Variants in HS3ST4 observed in about 807,000 individuals in gnomAD.
The protein encoded by HS3ST4 is heparan sulfate glucosamine 3-O-sulfotransferase 4.
HS3ST4 carries 17 observed loss-of-function variants against 29.2 expected under a neutral mutation model. The ratio of observed to expected loss-of-function variants is 0.58; its 90% CI spans 0.40 to 0.87. HS3ST4 has a LOEUF of 0.87. Ranked by LOEUF, HS3ST4 falls within the 40% of genes least tolerant of loss-of-function variation. The pLI is 0.00. For missense variants in HS3ST4, 627 were observed against 634.5 expected (o/e 0.99, Z 0.13); for synonymous variants, 314 against 285.7 (o/e 1.10, Z -1.00).
chr16:25,989,720 T>C (rs1001537562), intron 1 of HS3ST4, among the ~76,000 whole-genome samples: 1 of 152,212 alleles, frequency 6.6e-6, no homozygotes, highest in African/African-American at 2.4e-5. Context: ...TTTTGTTTGT[T>C]TGTTTTCACA....
chr16:25,847,653 A>T (rs56277907), intron 1 of HS3ST4, among the ~76,000 whole-genome samples: 33,909 of 152,032 alleles, frequency 0.22, 4,099 homozygotes, highest in East Asian at 0.41. Flanking sequence ...TATCAGTTAA[A>T]ATAAAATCTG....
intron 1 of HS3ST4, among the ~76,000 whole-genome samples, chr16:25,733,887 A>G (rs963698425): frequency 6.6e-6 from 1 of 152,172 alleles, no homozygotes; most frequent in African/African-American, 2.4e-5. Context: ...GGGAGGCAGA[A>G]GCAGGCAGAT....
intron 1 of HS3ST4, among the ~76,000 whole-genome samples, chr16:25,697,782 C>A (rs1966308268): frequency 6.6e-6 from 1 of 152,082 alleles, no homozygotes; most frequent in Non-Finnish European, 1.5e-5. Flanking sequence ...AAGCGATTAT[C>A]CTGTCTCAGC....
rs116567985 is a variant in HS3ST4, at chr16:25,822,538, G to T, written c.734+129387G>T. Among the ~76,000 whole-genome samples, 283 of 152,264 alleles carry T rather than the reference G, an allele frequency of 1.9e-3. 1 individual carries two copies. Among genetic ancestry groups the T allele is most frequent in the African/African-American group, 6.3e-3 (261 of 41,556 alleles). ...CTTGTGATGATACAAGGACTTCCCA[G>T]TTGTGACAACCAGAAATGTGTGCAG... On this transcript the variant is annotated intron_variant, in intron 1 of 1. Transcript: ENST00000331351.
chr16:25,995,462 AG>A (rs1969151171), intron 1 of HS3ST4, among the ~76,000 whole-genome samples: 1 of 152,200 alleles, frequency 6.6e-6, no homozygotes, highest in African/African-American at 2.4e-5. Flanking sequence ...CTAGGCTTCC[AG>A]GTTAGCTAAC....
intron 1 of HS3ST4, among the ~76,000 whole-genome samples, chr16:25,855,145 T>C (rs974589093): frequency 1.3e-5 from 2 of 152,294 alleles, no homozygotes; most frequent in African/African-American, 4.8e-5. Flanking sequence ...GATGGGTGGA[T>C]TGAAAGATTT....
chr16:25,836,976 T>C (rs1436591938), intron 1 of HS3ST4, among the ~76,000 whole-genome samples: 1 of 152,234 alleles, frequency 6.6e-6, no homozygotes, highest in African/African-American at 2.4e-5. Flanking sequence ...GGCATTGTTA[T>C]GTGGTTTTGT....
intron 1 of HS3ST4, among the ~76,000 whole-genome samples, chr16:25,720,350 G>T (rs1392357629): frequency 1.3e-5 from 2 of 152,208 alleles, no homozygotes; most frequent in African/African-American, 4.8e-5. Context: ...AAGACCCCTA[G>T]TAAGATGGGA....
At chr16:26,061,451 A>T (rs1291237521) in intron 1 of HS3ST4, among the ~76,000 whole-genome samples, 1 of 151,926 alleles carries the variant, frequency 6.6e-6, no homozygotes, top group Non-Finnish European at 1.5e-5. Flanking sequence ...ACTCTCTTTG[A>T]CCTCCACCAC....
At chr16:26,125,025 G>C (rs1454374898) in intron 1 of HS3ST4, among the ~76,000 whole-genome samples, 1 of 152,214 alleles carries the variant, frequency 6.6e-6, no homozygotes, top group Non-Finnish European at 1.5e-5. Flanking sequence ...CCATCCAAAA[G>C]TGGTTTATGA....
At chr16:25,702,753 G>A (rs548828762) in intron 1 of HS3ST4, among the ~76,000 whole-genome samples, 3 of 152,148 alleles carry the variant, frequency 2.0e-5, no homozygotes. Context: ...TCACTGTTTA[G>A]ATTCATAAAC....
At chr16:26,014,085 C>T (rs1969340389) in intron 1 of HS3ST4, among the ~76,000 whole-genome samples, 1 of 151,992 alleles carries the variant, frequency 6.6e-6, no homozygotes, top group South Asian at 2.1e-4. Context: ...CCTACTCCTA[C>T]TCTCCCTTTC....
rs1898492332 is a variant in HS3ST4 at position 26,062,775 on chromosome 16, C to T, written c.735-72837C>T. On this transcript the variant is annotated intron_variant, in intron 1 of 1. Coordinates refer to ENST00000331351, the MANE Select transcript of HS3ST4 (RefSeq NM_006040.3). Reference sequence around the variant, plus strand: ...TAGTCTACGTACTTCCCAAGAATGTCACCATCTCTAAATAAGAAATAATTC... The same window carrying T: ...TAGTCTACGTACTTCCCAAGAATGTTACCATCTCTAAATAAGAAATAATTC... The T allele has an allele frequency of 1.3e-5, 3 of 232,192 alleles. No individual in the cohort carries two copies. The South Asian group carries it at 2.0e-4, about 16-fold the overall frequency. 14.4% of individuals were successfully genotyped at this position (232,192 alleles called of 1,614,324 possible).
rs1420389473 is a variant in HS3ST4, at chr16:25,965,343, G to A, written c.735-170269G>A. 1.1e-4 allele frequency among the ~76,000 whole-genome samples: 17 copies of A among 151,634 alleles called. 1 individual carries two copies. The East Asian group carries it at 3.1e-3, about 28-fold the overall frequency. ...GGAGAATCAATTGAACCTGGGAGGCGGAGGTTGCAGTAAGCCAAGATTGTG... is the reference window on the plus strand; with the variant it reads ...GGAGAATCAATTGAACCTGGGAGGCAGAGGTTGCAGTAAGCCAAGATTGTG... On this transcript the variant is annotated intron_variant, in intron 1 of 1. Transcript: ENST00000331351.
At chr16:26,051,636 T>C (rs1049222429) in intron 1 of HS3ST4, among the ~76,000 whole-genome samples, 3 of 152,034 alleles carry the variant, frequency 2.0e-5, no homozygotes, top group Non-Finnish European at 4.4e-5. Context: ...AAGGATTTCA[T>C]GCAGCTGCGG....
At chr16:25,828,242 C>CTTTTTCTATCTTTCTA (rs1371928058) in intron 1 of HS3ST4, among the ~76,000 whole-genome samples, 1 of 75,016 alleles carries the variant, frequency 1.3e-5, no homozygotes. Context: ...TTCTTTCTTT[C>CTTTTTCTATCTTTCTA]TCTTTCTTTC....
chr16:26,075,060 G>A (rs1256568230), intron 1 of HS3ST4, among the ~76,000 whole-genome samples: 1 of 152,158 alleles, frequency 6.6e-6, no homozygotes, highest in Non-Finnish European at 1.5e-5. Context: ...GGGCGTGGTG[G>A]TACGCGCCTG....
In HS3ST4 at chr16:25,879,555, G is replaced by A. The variant is rs553339377; in HGVS notation, c.734+186404G>A. Among the ~76,000 whole-genome samples the A allele has an allele frequency of 6.6e-5, 10 of 152,062 alleles. No individual in the cohort carries two copies. In the South Asian group the frequency reaches 2.1e-3, roughly 32 times the overall value. On this transcript the variant is annotated intron_variant, in intron 1 of 1. Coordinates refer to ENST00000331351, the MANE Select transcript of HS3ST4 (RefSeq NM_006040.3). The stretch of plus-strand genomic sequence containing the variant: ...TATTCACTGTCAGGAGAACAGCATG[G>A]GAAAGACCCACCCCCATGATTCAGT...
At chr16:25,891,622 C>T (rs1253038340) in intron 1 of HS3ST4, among the ~76,000 whole-genome samples, 2 of 152,160 alleles carry the variant, frequency 1.3e-5, no homozygotes, top group Admixed American at 6.5e-5. Context: ...CTCAAAGCCA[C>T]ATAGCATCAC....
Sources: allele counts gnomAD v4.1 joint callset (sites outside exome capture counted in the v4.1 genomes callset), GRCh38; gene constraint gnomAD v4.1.1; transcripts MANE v1.5; gene names NCBI Gene and HGNC (gene_info 2026-07-23, HGNC 2026-07-21).